Variants in PCDH15 observed in about 807,000 individuals in gnomAD.
The protein encoded by PCDH15 is protocadherin-15.
A neutral mutation model predicts 178.5 loss-of-function variants in PCDH15; 129 were observed. That is an observed-to-expected ratio of 0.72 (90% CI 0.63 to 0.84). The LOEUF is 0.84. Among genes scored for constraint, PCDH15 ranks in the 40% least tolerant of loss-of-function variants. The probability of loss-of-function intolerance (pLI) is 0.00; values close to 1 mark genes in which losing one functional copy is unlikely to be tolerated. For missense variants in PCDH15, 2,230 were observed against 2,099.9 expected (o/e 1.06, Z -1.21); for synonymous variants, 800 against 732.0 (o/e 1.09, Z -1.50).
intron 10 of PCDH15, among the ~76,000 whole-genome samples, chr10:54,202,989 T>A (rs990858488): frequency 1.4e-4 from 22 of 152,046 alleles, no homozygotes; most frequent in Non-Finnish European, 4.4e-5. Context: ...AACTCCAATT[T>A]TTAGAGAATC....
chr10:54,722,066 G>A (rs779324970), intron 1 of PCDH15, among the ~76,000 whole-genome samples: 4 of 151,490 alleles, frequency 2.6e-5, no homozygotes, highest in Admixed American at 2.6e-4. Context: ...TTCAACATAC[G>A]GTAATCAATA....
chr10:55,272,036 G>A (rs966682618), intron 1 of PCDH15, among the ~76,000 whole-genome samples: 1 of 152,012 alleles, frequency 6.6e-6, no homozygotes, highest in Non-Finnish European at 1.5e-5. Context: ...AACAGAGAAC[G>A]AAAATAAGCC....
chr10:55,121,245 G>C (rs1466728534), intron 2 of PCDH15, among the ~76,000 whole-genome samples: 1 of 152,106 alleles, frequency 6.6e-6, no homozygotes, highest in Non-Finnish European at 1.5e-5. Context: ...TTGGGTTTTA[G>C]ACTTGGGATC....
chr10:55,188,304 T>C (rs1011947934), intron 1 of PCDH15, among the ~76,000 whole-genome samples: 1 of 151,922 alleles, frequency 6.6e-6, no homozygotes, highest in Non-Finnish European at 1.5e-5. Context: ...TTTAAGACAA[T>C]AATCTGTGAT....
chr10:55,346,328 T>G (rs377063196), intron 2 of PCDH15, among the ~76,000 whole-genome samples: 2 of 152,180 alleles, frequency 1.3e-5, no homozygotes, highest in African/African-American at 4.8e-5. Flanking sequence ...TCCAAAATTA[T>G]GTCTGAATCT....
chr10:54,336,257 C>A (rs1008885920), intron 6 of PCDH15, among the ~76,000 whole-genome samples: 1 of 152,038 alleles, frequency 6.6e-6, no homozygotes, highest in African/African-American at 2.4e-5. Context: ...AAAGAAACAC[C>A]CATTTTCTGA....
At chr10:53,893,583 G>A (rs931670140) in intron 26 of PCDH15, among the ~76,000 whole-genome samples, 1 of 152,064 alleles carries the variant, frequency 6.6e-6, no homozygotes, top group African/African-American at 2.4e-5. Flanking sequence ...AAGAAAATGT[G>A]GTATATATAC....
At chr10:55,273,831 T>C (rs1456931292) in intron 1 of PCDH15, among the ~76,000 whole-genome samples, 2 of 152,228 alleles carry the variant, frequency 1.3e-5, no homozygotes, top group East Asian at 3.9e-4. Context: ...ACCTATTATA[T>C]TTTTAGAAAA....
At chr10:54,544,567 TC>T (rs2085636532) in intron 2 of PCDH15, among the ~76,000 whole-genome samples, 2 of 152,290 alleles carry the variant, frequency 1.3e-5, no homozygotes, top group African/African-American at 4.8e-5. Flanking sequence ...AGGGTGGTAC[TC>T]CATATTTAAT....
intron 15 of PCDH15, among the ~76,000 whole-genome samples, chr10:54,092,701 G>A (rs987452402): frequency 6.6e-5 from 10 of 152,058 alleles, no homozygotes; most frequent in African/African-American, 9.7e-5. Context: ...TCTGTTCTTT[G>A]CTAGATAGGA....
chr10:54,253,255 C>A (rs1331680932), intron 8 of PCDH15, among the ~76,000 whole-genome samples: 2 of 151,844 alleles, frequency 1.3e-5, no homozygotes, highest in Non-Finnish European at 2.9e-5. Context: ...TTGATTGAAC[C>A]TTCAATATAG....
intron 3 of PCDH15, among the ~76,000 whole-genome samples, chr10:54,468,169 T>C (rs1012764851): frequency 1.3e-5 from 2 of 151,996 alleles, no homozygotes; most frequent in Non-Finnish European, 2.9e-5. Flanking sequence ...AGTTCCACTT[T>C]GATTTTTTAT....
At chr10:54,004,264 A>G (rs895292073) in intron 20 of PCDH15, among the ~76,000 whole-genome samples, 1 of 152,080 alleles carries the variant, frequency 6.6e-6, no homozygotes, top group African/African-American at 2.4e-5. Flanking sequence ...GTTATTCAAT[A>G]TAGTACTGGA....
intron 23 of PCDH15, among the ~76,000 whole-genome samples, chr10:53,944,978 G>A (rs1043487450): frequency 9.9e-5 from 15 of 152,124 alleles, no homozygotes; most frequent in African/African-American, 3.4e-4. Flanking sequence ...TTTCTTGGCC[G>A]TTTTAAACAA....
chr10:55,598,557 TATATATATATAG>T (rs1842990651), intron 2 of PCDH15, among the ~76,000 whole-genome samples: 1 of 102,378 alleles, frequency 9.8e-6, no homozygotes, highest in Non-Finnish European at 2.0e-5. Flanking sequence ...TATATATATA[TATATATATATAG>T]TAAACACAAG....
At chr10:54,577,884 A>G (rs2090664009) in intron 2 of PCDH15, among the ~76,000 whole-genome samples, 1 of 139,590 alleles carries the variant, frequency 7.2e-6, no homozygotes, top group Non-Finnish European at 1.6e-5. Context: ...ATAAATAAAT[A>G]AATAAATAAA....
At chr10:54,217,436 A>G (rs951175237) in intron 9 of PCDH15, among the ~76,000 whole-genome samples, 5 of 152,146 alleles carry the variant, frequency 3.3e-5, no homozygotes, top group Admixed American at 6.5e-5. Flanking sequence ...TGATTCCAAG[A>G]TAGTTATAGG....
chr10:55,621,373 A>G (rs866574640), intron 2 of PCDH15, among the ~76,000 whole-genome samples: 1 of 152,188 alleles, frequency 6.6e-6, no homozygotes, highest in South Asian at 2.1e-4. Flanking sequence ...CACACTGCCA[A>G]CAGAGCAATG....
intron 2 of PCDH15, among the ~76,000 whole-genome samples, chr10:54,580,502 G>A (rs770650469): frequency 4.6e-5 from 7 of 151,992 alleles, no homozygotes; most frequent in Middle Eastern, 3.2e-3. Flanking sequence ...ATAATTCACA[G>A]CCAAATTATA....
Sources: gnomAD v4.1 joint callset for allele counts (sites outside exome capture counted in the v4.1 genomes callset) on GRCh38, gnomAD v4.1.1 for gene constraint, MANE v1.5 for transcripts, NCBI Gene and HGNC (gene_info 2026-07-23, HGNC 2026-07-21) for gene names.